STARD9: variants seen among roughly 807,000 people sequenced by gnomAD.
STARD9 encodes StAR related lipid transfer domain containing 9.
A neutral mutation model predicts 399.8 loss-of-function variants in STARD9; 346 were observed. The observed-to-expected ratio is 0.87, with a 90% CI of 0.79 to 0.95. STARD9 has a LOEUF of 0.95. Among genes scored for constraint, STARD9 ranks in the 40% least tolerant of loss-of-function variants. The pLI, the probability that STARD9 is intolerant of heterozygous loss-of-function variation, is 0.00. For missense variants in STARD9, 5,832 were observed against 5,667.5 expected, an observed-to-expected ratio of 1.03 and a Z score of -0.93; for synonymous variants, 2,203 against 2,143.5, an observed-to-expected ratio of 1.03 and a Z score of -0.77.
chr15:42,635,613 G>A (rs966334059), intron 4 of STARD9, among the ~76,000 whole-genome samples: 20 of 152,160 alleles, frequency 1.3e-4, no homozygotes, highest in African/African-American at 4.8e-4. Context: ...ACAGGCATGA[G>A]CCACCATGCC....
At chr15:42,694,394 AGAG>A in intron 23 of STARD9, 52 bp downstream of exon 23, 2 of 1,534,584 alleles carry the variant, frequency 1.3e-6, no homozygotes, top group Non-Finnish European at 1.7e-6. Context: ...CTGTGAGGAA[AGAG>A]AACCCAAGAA....
At chr15:42,631,655 T>G (rs1292155135) in intron 3 of STARD9, among the ~76,000 whole-genome samples, 1 of 152,184 alleles carries the variant, frequency 6.6e-6, no homozygotes, top group African/African-American at 2.4e-5. Flanking sequence ...GAGCATGTTG[T>G]TTAATTTCCA....
intron 3 of STARD9, among the ~76,000 whole-genome samples, chr15:42,629,675 G>A (rs1171268386): frequency 2.6e-5 from 4 of 152,134 alleles, no homozygotes; most frequent in African/African-American, 9.7e-5. Flanking sequence ...AATGGGCATT[G>A]TTGTCTTATT....
intron 3 of STARD9, among the ~76,000 whole-genome samples, chr15:42,620,596 A>G (rs1402270732): frequency 6.6e-6 from 1 of 152,208 alleles, no homozygotes; most frequent in Admixed American, 6.5e-5. Context: ...GATTAAGTTC[A>G]GCATCACTTG....
intron 20 of STARD9, among the ~76,000 whole-genome samples, chr15:42,680,848 C>T (rs2060412877): frequency 1.3e-5 from 2 of 152,258 alleles, no homozygotes; most frequent in East Asian, 1.9e-4. Flanking sequence ...TCACTGAAAA[C>T]AGCTCTGGAG....
rs916448640 is a variant in STARD9 at position 42,690,484 on chromosome 15, C to G, written c.8906C>G (p.Ser2969Cys). The change falls in exon 23 of 33, where the codon TCC (serine) becomes TGC (cysteine). Residue 2969 changes from serine to cysteine, a missense_variant. By Grantham distance (112) the Ser-to-Cys change is moderately radical. Coordinates refer to ENST00000290607, the MANE Select transcript of STARD9 (RefSeq NM_020759.3). ...SQPVATHAYS[S>C]HSSTLLCFRD... ...CCTGTTGCTACTCATGCTTATTCCT[C>G]CCATTCCTCTACTTTACTGTGTTTT... is the stretch of plus-strand genomic sequence containing the variant. 10 of 1,537,108 alleles carry G rather than the reference C, an allele frequency of 6.5e-6. No homozygotes were observed. Among genetic ancestry groups the G allele is most frequent in the Non-Finnish European group, 8.7e-6 (10 of 1,146,918 alleles).
At chr15:42,602,688 A>C (rs193148137) in intron 3 of STARD9, among the ~76,000 whole-genome samples, 3 of 152,234 alleles carry the variant, frequency 2.0e-5, no homozygotes, top group Admixed American at 2.0e-4. Flanking sequence ...CAAAAGTCAC[A>C]CTGCTGTGCA....
chr15:42,592,507 C>T (rs1206037439), intron 3 of STARD9, among the ~76,000 whole-genome samples: 2 of 151,902 alleles, frequency 1.3e-5, no homozygotes, highest in Non-Finnish European at 2.9e-5. Context: ...TGCAGTGGTG[C>T]GATCTTAGCT....
intron 3 of STARD9, among the ~76,000 whole-genome samples, chr15:42,614,254 T>C (rs2058911869): frequency 6.6e-6 from 1 of 150,516 alleles, no homozygotes; most frequent in Non-Finnish European, 1.5e-5. Context: ...GAGGTTGCAG[T>C]GAGCCAAGAT....
intron 3 of STARD9, among the ~76,000 whole-genome samples, chr15:42,624,551 G>T (rs531993169): frequency 5.6e-5 from 8 of 143,004 alleles, no homozygotes; most frequent in African/African-American, 2.1e-4. Context: ...ATTTTCTGTT[G>T]TCTTTTTTTT....
At chr15:42,650,975 A>T in intron 7 of STARD9, 41 bp from the exon 8 acceptor site, 4 of 1,356,594 alleles carry the variant, frequency 2.9e-6, no homozygotes, top group Non-Finnish European at 4.0e-6. Flanking sequence ...TTTACCAAAA[A>T]TCTCATTTAA....
chr15:42,658,488 T>C (rs1342649066), intron 9 of STARD9, among the ~76,000 whole-genome samples: 5 of 142,068 alleles, frequency 3.5e-5, no homozygotes, highest in African/African-American at 1.3e-4. Context: ...TTGCACTTTT[T>C]TTTTTTTTTA....
At position 42,691,987 on chromosome 15, in the gene STARD9, C is replaced by T. The variant is rs572085935; in HGVS notation, c.10409C>T (p.Ala3470Val). The T allele has an allele frequency of 1.3e-4, 194 of 1,537,070 alleles. No individual in the cohort carries two copies. Among genetic ancestry groups the T allele is most frequent in the East Asian group, 3.4e-4 (14 of 40,932 alleles). ...GGCTCCAGTGACATCAGTCCCTATG[C>T]GCTGCCGTGGCGTCCGGAGGAGCCT... ...HFGSSDISPY[A>V]LPWRPEEPAR... Residue 3470 changes from alanine (A) to valine (V), a missense_variant, in exon 23 of 33, where the codon GCG becomes GTG. By Grantham distance (64) the Ala-to-Val change is moderately conservative (BLOSUM62 0). This residue lies in a region of STARD9 where 5,828 missense variants were observed against 5,651.1 expected (regional missense o/e 1.03). Coordinates refer to ENST00000290607, the MANE Select transcript of STARD9 (RefSeq NM_020759.3).
intron 13 of STARD9, among the ~76,000 whole-genome samples, chr15:42,664,270 G>A (rs934180345): frequency 1.3e-5 from 2 of 152,156 alleles, no homozygotes; most frequent in African/African-American, 2.4e-5. Context: ...GAGCGCAGTG[G>A]TGCAATAATG....
rs543146806 is a variant in STARD9, at chr15:42,593,458, G to A, written c.234+7821G>A. ...CATGTCTATGAACAAAAAGCTAACC[G>A]CTCTTCATGGAAAGAATTGCTCCTA... On this transcript the variant is annotated intron_variant, in intron 3 of 32. Transcript: ENST00000290607. Among the ~76,000 whole-genome samples, 12 of 151,974 alleles carry A rather than the reference G, an allele frequency of 7.9e-5. No individual in the cohort carries two copies. In the East Asian group the frequency reaches 2.1e-3, roughly 27 times the overall value.
intron 3 of STARD9, among the ~76,000 whole-genome samples, chr15:42,596,989 A>G (rs1334425340): frequency 6.6e-6 from 1 of 152,168 alleles, no homozygotes. Flanking sequence ...TTATTTTTCA[A>G]AGGAGTTAGC....
rs369429782 is a variant in STARD9, at chr15:42,662,794, C to T, written c.771C>T (p.Ser257=). 341 of 1,535,416 alleles carry T rather than the reference C, an allele frequency of 2.2e-4. No individual in the cohort carries two copies. The highest frequency in any genetic ancestry group is 2.9e-4 in the Non-Finnish European group (333 of 1,145,376). ...SKINLVDLAG[S]ERADPSYCKD... is the part of the protein sequence containing the mutation. Reference sequence around the variant, plus strand: ...TTGTTTTTCATTGACTGTGTTTTAGCGAAAGAGCAGATCCCAGTTACTGTA... The same window carrying T: ...TTGTTTTTCATTGACTGTGTTTTAGTGAAAGAGCAGATCCCAGTTACTGTA... Residue 257 remains serine (S), a splice_region_variant and synonymous_variant, in exon 11 of 33, where the codon AGC becomes AGT. Transcript: ENST00000290607.
Position 42,720,888 on chromosome 15 carries a change from A to G in STARD9, c.*1314A>G, listed in dbSNP as rs757899508. The stretch of plus-strand genomic sequence containing the variant: ...CTCGGGTAAATTTTTTGGTGACATG[A>G]TATATTTAACACCCTATTTATATAC... On this transcript the variant is annotated 3_prime_UTR_variant, in exon 33 of 33. Transcript: ENST00000290607. 5 of 152,114 alleles carry G rather than the reference A, an allele frequency of 3.3e-5. No individual in the cohort carries two copies. The highest frequency in any genetic ancestry group is 7.3e-5 in the Non-Finnish European group (5 of 68,034). 9.4% of individuals were successfully genotyped at this position (152,114 alleles called of 1,614,324 possible). A position where few individuals can be genotyped will look rare whatever the true frequency, so the allele number is the denominator to read the frequency against.
At chr15:42,706,594 C>T (rs138841007) in intron 26 of STARD9, among the ~76,000 whole-genome samples, 3 of 152,076 alleles carry the variant, frequency 2.0e-5, no homozygotes, top group East Asian at 3.9e-4. Context: ...GGATTACAGG[C>T]GCCTGCCACC....
Sources: allele counts gnomAD v4.1 joint callset (sites outside exome capture counted in the v4.1 genomes callset), GRCh38; gene constraint gnomAD v4.1.1; regional missense constraint gnomAD v4.1.1; transcripts MANE v1.5; gene names NCBI Gene and HGNC (gene_info 2026-07-23, HGNC 2026-07-21).